MBNL1: variants seen among roughly 807,000 people sequenced by gnomAD.
The protein encoded by MBNL1 is muscleblind-like protein 1.
In MBNL1, 8 loss-of-function variants were observed where a neutral mutation model predicts 42.2. That is an observed-to-expected ratio of 0.19 (90% CI 0.11 to 0.34). The LOEUF is 0.34. MBNL1 is among the 10% of genes least tolerant of loss of function. The probability of loss-of-function intolerance (pLI) is 1.00; values close to 1 mark genes in which losing one functional copy is unlikely to be tolerated. For synonymous variants in MBNL1, 169 were observed against 173.9 expected, an observed-to-expected ratio of 0.97 and a Z score of 0.22; for missense variants, 309 against 495.3, an observed-to-expected ratio of 0.62 and a Z score of 3.57.
chr3:152,407,739 T>C (rs968810530), intron 2 of MBNL1, among the ~76,000 whole-genome samples: 3 of 152,114 alleles, frequency 2.0e-5, no homozygotes, highest in Non-Finnish European at 4.4e-5. Context: ...CAAATGCCCA[T>C]CAATGATAGA....
At chr3:152,408,997 A>C (rs778704150) in intron 2 of MBNL1, among the ~76,000 whole-genome samples, 7 of 152,192 alleles carry the variant, frequency 4.6e-5, no homozygotes, top group Non-Finnish European at 1.0e-4. Flanking sequence ...AGCTAACCCA[A>C]GTCCTTTACG....
At chr3:152,274,791 T>A (rs1210746732) in intron 1 of MBNL1, among the ~76,000 whole-genome samples, 1 of 152,176 alleles carries the variant, frequency 6.6e-6, no homozygotes, top group Non-Finnish European at 1.5e-5. Flanking sequence ...ATTTTGTCAT[T>A]AGTTTTACTA....
chr3:152,363,755 TCACA>T (rs757212454), intron 2 of MBNL1, among the ~76,000 whole-genome samples: 14 of 152,218 alleles, frequency 9.2e-5, no homozygotes, highest in Non-Finnish European at 1.9e-4. Flanking sequence ...TAAGTACGGG[TCACA>T]CAGTCTGTTC....
intron 3 of MBNL1, among the ~76,000 whole-genome samples, chr3:152,428,118 A>T (rs745822252): frequency 3.9e-5 from 6 of 152,082 alleles, no homozygotes; most frequent in Admixed American, 6.5e-5. Flanking sequence ...TAATTATTGA[A>T]TTTTGAGGTA....
chr3:152,329,673 T>TTATATATATATATCTTATATATTATATA lies in MBNL1; in HGVS notation c.174+29315_174+29342dup, dbSNP rs2082784928. Among the ~76,000 whole-genome samples, 5 of 120,110 alleles carry TTATATATATATATCTTATATATTATATA rather than the reference T, an allele frequency of 4.2e-5. No individual in the cohort carries two copies. The South Asian group carries it at 1.5e-3, about 35-fold the overall frequency. 78.8% of individuals were successfully genotyped at this position (120,110 alleles called of 152,430 possible). A position where few individuals can be genotyped will look rare whatever the true frequency, so the allele number is the denominator to read the frequency against. On this transcript the variant is annotated intron_variant, in intron 2 of 9. Transcript: ENST00000324210. ...AAGAAATATACATATATATTTTATC[T>TTATATATATATATCTTATATATTATATA]TATATATATATATCTTATATATTAT...
intron 2 of MBNL1, chr3:152,300,827 T>C (rs1215017777): frequency 2.2e-6 from 1 of 444,446 alleles, no homozygotes; most frequent in African/African-American, 2.1e-5. Context: ...TTTACTCTTT[T>C]AATATTTTGA....
At chr3:152,443,507 C>CACACACACACACACACACACACA (rs1475590796) in intron 4 of MBNL1, among the ~76,000 whole-genome samples, 1 of 151,734 alleles carries the variant, frequency 6.6e-6, no homozygotes, top group Non-Finnish European at 1.5e-5. Flanking sequence ...CACACACACA[C>CACACACACACACACACACACACA]AACTTTTTAT....
chr3:152,450,343 C>T (rs1720070665), intron 6 of MBNL1, among the ~76,000 whole-genome samples: 1 of 151,926 alleles, frequency 6.6e-6, no homozygotes, highest in Non-Finnish European at 1.5e-5. Flanking sequence ...TAATATATAC[C>T]TGCATTCACA....
At chr3:152,434,711 A>G (rs1042766656) in intron 4 of MBNL1, among the ~76,000 whole-genome samples, 1 of 152,082 alleles carries the variant, frequency 6.6e-6, no homozygotes, top group Non-Finnish European at 1.5e-5. Flanking sequence ...GTCAACATTC[A>G]TTATTTTTTG....
chr3:152,347,781 C>T (rs1354676435), intron 2 of MBNL1, among the ~76,000 whole-genome samples: 1 of 151,734 alleles, frequency 6.6e-6, no homozygotes, highest in Non-Finnish European at 1.5e-5. Flanking sequence ...AGATAATGCA[C>T]AGCACAGTAC....
intron 2 of MBNL1, among the ~76,000 whole-genome samples, chr3:152,412,794 T>C (rs939440964): frequency 1.3e-5 from 2 of 152,218 alleles, no homozygotes; most frequent in Admixed American, 6.5e-5. Context: ...TTGGAAGGTC[T>C]GGTTCATGGC....
intron 1 of MBNL1, among the ~76,000 whole-genome samples, chr3:152,282,091 TA>T (rs1395615116): frequency 1.1e-4 from 17 of 152,174 alleles, no homozygotes; most frequent in Non-Finnish European, 1.9e-4. Flanking sequence ...ATTCTCCAAC[TA>T]ATGCGTTAGT....
chr3:152,320,682 T>C (rs539203072), intron 2 of MBNL1, among the ~76,000 whole-genome samples: 221 of 146,808 alleles, frequency 1.5e-3, no homozygotes, highest in Non-Finnish European at 2.2e-3. Flanking sequence ...GTTTTTTCTT[T>C]CTTTTTTTTT....
rs998795570 is a variant in MBNL1, at chr3:152,432,851, T to C, written c.480T>C (p.Asn160=). Residue 160 remains asparagine (N), a synonymous_variant, in exon 4 of 10, where the codon AAT becomes AAC. Transcript: ENST00000324210. ...LPTAPMLVTG[N]PGVPVPAAAA... ...CTGCACCAATGTTGGTTACAGGGAA[T>C]CCGGGTGTCCCTGTACCTGCAGCTG... 11 of 1,613,988 alleles carry C rather than the reference T, an allele frequency of 6.8e-6. No homozygotes were observed. In the African/African-American group the frequency reaches 1.3e-4, roughly 20 times the overall value.
intron 2 of MBNL1, among the ~76,000 whole-genome samples, chr3:152,385,225 A>T (rs1159918138): frequency 6.6e-6 from 1 of 152,016 alleles, no homozygotes; most frequent in African/African-American, 2.4e-5. Flanking sequence ...TTCTTCTTGT[A>T]TTGAGGCCTC....
intron 2 of MBNL1, among the ~76,000 whole-genome samples, chr3:152,348,489 C>T (rs1165146803): frequency 1.3e-5 from 2 of 152,046 alleles, no homozygotes; most frequent in Non-Finnish European, 2.9e-5. Flanking sequence ...TCCTCATTTT[C>T]TCTTGTGGTA....
rs528390899 is a variant in MBNL1, at chr3:152,357,879, A to G, written c.175-57062A>G. Among the ~76,000 whole-genome samples, 5 of 152,334 alleles carry G rather than the reference A, an allele frequency of 3.3e-5. No individual in the cohort carries two copies. In the South Asian group the frequency reaches 6.2e-4, roughly 19 times the overall value. On this transcript the variant is annotated intron_variant, in intron 2 of 9. Transcript: ENST00000324210. ...GGCTCATGGCATGCATCATCAGCTT[A>G]TCAGGACATGGATGGTGGCAGAGAA...
intron 2 of MBNL1, among the ~76,000 whole-genome samples, chr3:152,251,648 T>TC (rs1323967925): frequency 1.3e-5 from 2 of 152,086 alleles, no homozygotes; most frequent in African/African-American, 4.8e-5. Flanking sequence ...TTCTGACATT[T>TC]CCCCATGATT....
intron 2 of MBNL1, chr3:152,262,961 G>A (rs1461062641): frequency 6.6e-6 from 1 of 152,126 alleles, no homozygotes; most frequent in African/African-American, 2.4e-5. Flanking sequence ...CATAGTAGAA[G>A]GTACGCATAC....
Sources: gnomAD v4.1 joint callset for allele counts (sites outside exome capture counted in the v4.1 genomes callset) on GRCh38, gnomAD v4.1.1 for gene constraint, MANE v1.5 for transcripts, NCBI Gene and HGNC (gene_info 2026-07-23, HGNC 2026-07-21) for gene names.